The following FBXO42 variants were observed in gnomAD, a reference collection of about 807,000 sequenced individuals.
FBXO42 encodes F-box protein 42, also known as F-box only protein 42.
Under a neutral mutation model 71.7 loss-of-function variants are expected in FBXO42, and 12 were observed. That is an observed-to-expected ratio of 0.17 (90% CI 0.11 to 0.27). The LOEUF is 0.27. Ranked by LOEUF, FBXO42 falls within the 10% of genes least tolerant of loss-of-function variation. FBXO42 has a pLI of 1.00. For missense variants in FBXO42, 707 were observed against 911.9 expected (o/e 0.78, Z 2.89); for synonymous variants, 325 against 327.5 (o/e 0.99, Z 0.08).
At chr1:16,273,511 C>A (rs2081866835) in intron 4 of FBXO42, among the ~76,000 whole-genome samples, 1 of 151,020 alleles carries the variant, frequency 6.6e-6, no homozygotes, top group African/African-American at 2.4e-5. Flanking sequence ...CTGAAAAGTA[C>A]AAACAATGTT....
rs148126998 is a variant in FBXO42, at chr1:16,297,063, C to T, written c.368-2146G>A. ...AAGCAATTCTTCTGCCTCAGTCTCC[C>T]GAGTAGGTGTAACTGGGATTACAAG... On this transcript the variant is annotated intron_variant, in intron 3 of 9. Transcript: ENST00000375592. 4.6e-3 allele frequency among the ~76,000 whole-genome samples: 704 copies of T among 151,808 alleles called. 2 individuals carry two copies. The highest frequency in any genetic ancestry group is 7.6e-3 in the Non-Finnish European group (518 of 67,906).
chr1:16,315,494 A>C, intron 1 of FBXO42, 59 bp from the exon 2 acceptor site: 1 of 1,517,996 alleles, frequency 6.6e-7, no homozygotes, highest in African/African-American at 1.4e-5. Flanking sequence ...AAAACAATTC[A>C]GGCATGTACA....
Position 16,253,701 on chromosome 1 carries a change from CTCA to C in FBXO42, c.795_797del (p.Glu266del). The C allele has an allele frequency of 6.2e-7, 1 of 1,614,180 alleles. No individual in the cohort carries two copies. Among genetic ancestry groups the C allele is most frequent in the Non-Finnish European group, 8.5e-7 (1 of 1,180,034 alleles). ...TGTTCGGCTTGGACCACGCCCACTG[CTCA>C]AGGTCAAGGACCCAGACATCATTGC... On this transcript the variant is annotated inframe_deletion, in exon 7 of 10. Coordinates refer to ENST00000375592, the MANE Select transcript of FBXO42 (RefSeq NM_018994.3).
At chr1:16,264,230 A>C (rs988477726) in intron 4 of FBXO42, among the ~76,000 whole-genome samples, 6 of 152,244 alleles carry the variant, frequency 3.9e-5, no homozygotes, top group African/African-American at 1.4e-4. Context: ...ACATAGGTTT[A>C]ATACATTTTT....
intron 4 of FBXO42, among the ~76,000 whole-genome samples, chr1:16,283,951 A>C (rs538149284): frequency 2.0e-5 from 3 of 152,250 alleles, no homozygotes; most frequent in African/African-American, 7.2e-5. Context: ...CGAAAAAGGC[A>C]GTATGACTTA....
intron 1 of FBXO42, among the ~76,000 whole-genome samples, chr1:16,335,976 G>C (rs1325003666): frequency 6.6e-6 from 1 of 151,846 alleles, no homozygotes; most frequent in African/African-American, 2.4e-5. Context: ...TTGTTGCCCA[G>C]GCTGGAGTAC....
intron 4 of FBXO42, among the ~76,000 whole-genome samples, chr1:16,281,848 G>C (rs1469061051): frequency 1.3e-5 from 2 of 151,784 alleles, no homozygotes; most frequent in Non-Finnish European, 2.9e-5. Context: ...ATTAGAGACA[G>C]GGTTTCACAT....
chr1:16,349,176 G>T (rs1303706087), intron 1 of FBXO42, among the ~76,000 whole-genome samples: 1 of 152,124 alleles, frequency 6.6e-6, no homozygotes, highest in African/African-American at 2.4e-5. Context: ...TTTATAAAAA[G>T]CAAGTCACTC....
intron 6 of FBXO42, among the ~76,000 whole-genome samples, chr1:16,254,148 T>A (rs2081617153): frequency 6.6e-6 from 1 of 152,188 alleles, no homozygotes. Flanking sequence ...ACCCTCCCTC[T>A]GCTCTTTCCA....
intron 1 of FBXO42, among the ~76,000 whole-genome samples, chr1:16,337,169 T>G (rs1379341589): frequency 6.6e-6 from 1 of 152,158 alleles, no homozygotes; most frequent in African/African-American, 2.4e-5. Flanking sequence ...GTTCCAATGC[T>G]TCTCAAATTT....
intron 4 of FBXO42, among the ~76,000 whole-genome samples, chr1:16,262,559 T>C (rs1175157282): frequency 6.6e-6 from 1 of 151,920 alleles, no homozygotes; most frequent in Non-Finnish European, 1.5e-5. Flanking sequence ...ATACAAAAAT[T>C]AGCCAGGTGT....
intron 4 of FBXO42, among the ~76,000 whole-genome samples, chr1:16,272,353 G>A (rs1433913686): frequency 2.0e-5 from 3 of 151,376 alleles, no homozygotes; most frequent in Non-Finnish European, 2.9e-5. Flanking sequence ...CCCGCCTCCC[G>A]GGTTCAAGCG....
chr1:16,296,485 A>G (rs1339686297), intron 3 of FBXO42, among the ~76,000 whole-genome samples: 2 of 151,984 alleles, frequency 1.3e-5, no homozygotes, highest in Non-Finnish European at 2.9e-5. Flanking sequence ...CCCCGTCTCT[A>G]CTAAAAATAA....
At chr1:16,343,541 G>A (rs767349649) in intron 1 of FBXO42, among the ~76,000 whole-genome samples, 19 of 152,114 alleles carry the variant, frequency 1.2e-4, no homozygotes, top group African/African-American at 4.6e-4. Context: ...GCCAGACCCT[G>A]TGTCTAAAAA....
At chr1:16,302,418 G>C (rs556214423) in intron 3 of FBXO42, among the ~76,000 whole-genome samples, 2 of 152,316 alleles carry the variant, frequency 1.3e-5, no homozygotes, top group South Asian at 4.1e-4. Flanking sequence ...TGGCTGGAGA[G>C]GCCTCAGGAA....
Position 16,252,778 on chromosome 1 carries a change from G to A in FBXO42, c.921+318C>T, listed in dbSNP as rs941336381. Among the ~76,000 whole-genome samples the A allele has an allele frequency of 6.6e-6, 1 of 152,112 alleles. No homozygotes were observed. The highest frequency in any genetic ancestry group is 2.4e-5 in the African/African-American group (1 of 41,414). ...TGTGAACTCTGACAGTTATCAACCT[G>A]CTTTTTTGTTCCACTGCCCTCTCCC... On this transcript the variant is annotated intron_variant, in intron 8 of 9. Coordinates refer to ENST00000375592, the MANE Select transcript of FBXO42 (RefSeq NM_018994.3). This position sits in a 1 kb window ranked among gnomAD's most constrained non-coding sequence, Gnocchi z 4.4.
At chr1:16,281,858 T>C (rs1381153908) in intron 4 of FBXO42, among the ~76,000 whole-genome samples, 1 of 151,984 alleles carries the variant, frequency 6.6e-6, no homozygotes, top group East Asian at 1.9e-4. Flanking sequence ...GGGTTTCACA[T>C]GCTGGCCAGG....
chr1:16,334,377 G>A (rs1449308730), intron 1 of FBXO42, among the ~76,000 whole-genome samples: 2 of 145,016 alleles, frequency 1.4e-5, no homozygotes, highest in Non-Finnish European at 3.0e-5. Flanking sequence ...AGCTTGCAGT[G>A]AGCGGAGATC....
chr1:16,254,852 A>C lies in FBXO42; in HGVS notation c.767+859T>G, dbSNP rs2081623266. 1.3e-5 allele frequency among the ~76,000 whole-genome samples: 2 copies of C among 152,206 alleles called. 1 individual carries two copies. The highest frequency in any genetic ancestry group is 4.1e-4 in the South Asian group (2 of 4,830). Reference sequence around the variant, plus strand: ...AGTGGACAGGACAGGAGGTAGGGACAATGACCTCACAGAAATGTCATGCCT... The same window carrying C: ...AGTGGACAGGACAGGAGGTAGGGACCATGACCTCACAGAAATGTCATGCCT... On this transcript the variant is annotated intron_variant, in intron 6 of 9. Coordinates refer to ENST00000375592, the MANE Select transcript of FBXO42 (RefSeq NM_018994.3).
Sources: gnomAD v4.1 joint callset for allele counts (sites outside exome capture counted in the v4.1 genomes callset) on GRCh38, gnomAD v4.1.1 for gene constraint, Gnocchi (gnomAD v3.1) non-coding constraint, MANE v1.5 for transcripts, NCBI Gene and HGNC (gene_info 2026-07-23, HGNC 2026-07-21) for gene names.